The following TMEM135 variants were observed in gnomAD, a reference collection of about 807,000 sequenced individuals.
TMEM135 encodes the protein transmembrane protein 135.
Under a neutral mutation model 60.3 loss-of-function variants are expected in TMEM135, and 30 were observed. The observed-to-expected ratio is 0.50, with a 90% CI of 0.37 to 0.68. TMEM135 has a LOEUF of 0.68. Among genes scored for constraint, TMEM135 ranks in the 30% least tolerant of loss-of-function variants. The pLI is 0.00. For synonymous variants in TMEM135, 190 were observed against 186.7 expected (o/e 1.02, Z -0.14); for missense variants, 468 against 548.8 (o/e 0.85, Z 1.47).
At chr11:87,132,992 C>A (rs73523065) in intron 4 of TMEM135, among the ~76,000 whole-genome samples, 3,355 of 152,212 alleles carry the variant, frequency 0.022, 140 homozygotes, top group African/African-American at 0.077. Context: ...CAAATACATG[C>A]ACCATGATAC....
At chr11:87,280,648 A>G (rs1179024608) in intron 6 of TMEM135, among the ~76,000 whole-genome samples, 2 of 152,176 alleles carry the variant, frequency 1.3e-5, no homozygotes, top group Non-Finnish European at 2.9e-5. Context: ...TGTACTTTAT[A>G]TTAAAGTACT....
chr11:87,318,657 G>C (rs1590869113), intron 13 of TMEM135, among the ~76,000 whole-genome samples: 1 of 151,886 alleles, frequency 6.6e-6, no homozygotes, highest in Non-Finnish European at 1.5e-5. Flanking sequence ...TTTCATATAA[G>C]CATTGTTCAA....
chr11:87,159,617 A>ACACACACCCCCCC (rs140303858), intron 5 of TMEM135, among the ~76,000 whole-genome samples: 3 of 149,344 alleles, frequency 2.0e-5, no homozygotes, highest in African/African-American at 7.4e-5. Flanking sequence ...ACACACACAC[A>ACACACACCCCCCC]CCATAGATTT....
chr11:87,098,609 T>C (rs905464903), intron 4 of TMEM135, among the ~76,000 whole-genome samples: 2 of 151,986 alleles, frequency 1.3e-5, no homozygotes, highest in African/African-American at 4.8e-5. Flanking sequence ...TGATAATAAA[T>C]ACTACAACCT....
In TMEM135 at chr11:87,277,624, C is replaced by G. The variant is rs568394965; in HGVS notation, c.510-18158C>G. On this transcript the variant is annotated intron_variant, in intron 6 of 14. Coordinates refer to ENST00000305494, the MANE Select transcript of TMEM135 (RefSeq NM_022918.4). ...ACAACTTCCACTTCCTGGGTTCAAT[C>G]AATTCTCCTGCCTCAGCCTCCCTAG... Among the ~76,000 whole-genome samples, 213 of 151,870 alleles carry G rather than the reference C, an allele frequency of 1.4e-3. 1 individual carries two copies. The highest frequency in any genetic ancestry group is 4.9e-3 in the African/African-American group (202 of 41,414).
intron 6 of TMEM135, among the ~76,000 whole-genome samples, chr11:87,268,927 TTAAA>T (rs1390085801): frequency 8.5e-5 from 13 of 152,276 alleles, no homozygotes; most frequent in African/African-American, 3.1e-4. Flanking sequence ...CTAGTCTTTC[TTAAA>T]TAGTTTAAAT....
intron 6 of TMEM135, among the ~76,000 whole-genome samples, chr11:87,292,483 TAATC>T (rs1298372413): frequency 6.6e-6 from 1 of 152,212 alleles, no homozygotes; most frequent in Non-Finnish European, 1.5e-5. Flanking sequence ...TACACTATAA[TAATC>T]AAATCCATAG....
In TMEM135 at chr11:87,305,804, T is replaced by TAAATAAAGAAAGAAAG. The variant is rs1026222945; in HGVS notation, c.699-129_699-128insTAAAGAAAGAAAGAAA. The stretch of plus-strand genomic sequence containing the variant: ...ATAAATAAATAAATAAATAAATAAA[T>TAAATAAAGAAAGAAAG]AAAGTGATGTTTTCTTCTCTCTCTT... On this transcript the variant is annotated intron_variant, in intron 8 of 14. Coordinates refer to ENST00000305494, the MANE Select transcript of TMEM135 (RefSeq NM_022918.4). 9.5e-5 allele frequency: 39 copies of TAAATAAAGAAAGAAAG among 412,442 alleles called. No homozygotes were observed. In the South Asian group the frequency reaches 1.1e-3, roughly 12 times the overall value. The allele number at this position is 412,442 out of a possible 1,614,324, so 25.5% of individuals were successfully genotyped here. A position where few individuals can be genotyped will look rare whatever the true frequency, so the allele number is the denominator to read the frequency against.
chr11:87,285,063 T>C (rs1942138682), intron 6 of TMEM135, among the ~76,000 whole-genome samples: 1 of 152,234 alleles, frequency 6.6e-6, no homozygotes, highest in African/African-American at 2.4e-5. Context: ...ATTGAACATT[T>C]TTCAAAACAA....
At chr11:87,067,953 T>A in intron 2 of TMEM135, 132 bp downstream of exon 2, 3 of 1,110,796 alleles carry the variant, frequency 2.7e-6, no homozygotes, top group Non-Finnish European at 3.9e-6. Flanking sequence ...AAGTGACATT[T>A]ATGTCAATGA....
intron 5 of TMEM135, among the ~76,000 whole-genome samples, chr11:87,221,033 G>A (rs1294757794): frequency 6.6e-6 from 1 of 152,128 alleles, no homozygotes; most frequent in African/African-American, 2.4e-5. Context: ...GAAACATTAA[G>A]AATGCTGTTG....
At chr11:87,049,632 T>G (rs1226087292) in intron 1 of TMEM135, among the ~76,000 whole-genome samples, 1 of 116,648 alleles carries the variant, frequency 8.6e-6, no homozygotes, top group Non-Finnish European at 1.8e-5. Context: ...TAAATATTTA[T>G]GCACCCAATA....
chr11:87,178,930 G>T (rs1178795314), intron 5 of TMEM135, among the ~76,000 whole-genome samples: 1 of 151,810 alleles, frequency 6.6e-6, no homozygotes, highest in Non-Finnish European at 1.5e-5. Context: ...ATACCTAAAT[G>T]TAGAATTGTT....
At chr11:87,121,122 C>T (rs1443510691) in intron 4 of TMEM135, 1 of 152,204 alleles carries the variant, frequency 6.6e-6, no homozygotes, top group Non-Finnish European at 1.5e-5. Context: ...AGTCTGCATT[C>T]TTGAAGGATG....
At chr11:87,173,953 A>G (rs921039492) in intron 5 of TMEM135, among the ~76,000 whole-genome samples, 2 of 152,186 alleles carry the variant, frequency 1.3e-5, no homozygotes, top group Admixed American at 6.6e-5. Flanking sequence ...GTACTACTCA[A>G]CCAAATTCTG....
intron 1 of TMEM135, among the ~76,000 whole-genome samples, chr11:87,043,718 T>C (rs983794723): frequency 6.6e-6 from 1 of 150,536 alleles, no homozygotes; most frequent in Non-Finnish European, 1.5e-5. Flanking sequence ...CGAGACTCTG[T>C]CTCAAAACAA....
At chr11:87,053,882 C>G (rs575432293) in intron 1 of TMEM135, among the ~76,000 whole-genome samples, 3 of 152,258 alleles carry the variant, frequency 2.0e-5, no homozygotes, top group Non-Finnish European at 2.9e-5. Flanking sequence ...TTGATATGCT[C>G]TTAATGTTGT....
intron 6 of TMEM135, among the ~76,000 whole-genome samples, chr11:87,246,921 C>A (rs11494239): frequency 0.6 from 65,987 of 110,038 alleles, 21,235 homozygotes; most frequent in Middle Eastern, 0.69. Context: ...GGAGGAGGAG[C>A]GGCACTCTGC....
chr11:87,190,151 A>G (rs1012252747), intron 5 of TMEM135, among the ~76,000 whole-genome samples: 6 of 152,146 alleles, frequency 3.9e-5, no homozygotes, highest in African/African-American at 9.7e-5. Flanking sequence ...CTACTTGTCA[A>G]ATTCTTTCTT....
Sources: allele counts gnomAD v4.1 joint callset (sites outside exome capture counted in the v4.1 genomes callset), GRCh38; gene constraint gnomAD v4.1.1; transcripts MANE v1.5; gene names NCBI Gene and HGNC (gene_info 2026-07-23, HGNC 2026-07-21).